The following OSBPL10 variants were observed in gnomAD, a reference collection of about 807,000 sequenced individuals.
OSBPL10 encodes the protein oxysterol-binding protein-related protein 10.
Under a neutral mutation model 81.7 loss-of-function variants are expected in OSBPL10, and 49 were observed. The ratio of observed to expected loss-of-function variants is 0.60; its 90% confidence interval spans 0.48 to 0.76. The LOEUF is 0.76. OSBPL10 is among the 30% of genes least tolerant of loss of function. The pLI is 0.00. For missense variants in OSBPL10, 923 were observed against 987.8 expected, an observed-to-expected ratio of 0.93 and a Z score of 0.88; for synonymous variants, 419 against 383.6, an observed-to-expected ratio of 1.09 and a Z score of -1.08.
intron 4 of OSBPL10, among the ~76,000 whole-genome samples, chr3:31,787,092 C>T (rs1249506087): frequency 6.6e-6 from 1 of 152,148 alleles, no homozygotes; most frequent in Non-Finnish European, 1.5e-5. Context: ...TAAGCGGTCA[C>T]GATATGGTTG....
intron 1 of OSBPL10, among the ~76,000 whole-genome samples, chr3:32,048,553 C>T (rs1250059541): frequency 6.6e-6 from 1 of 152,130 alleles, no homozygotes; most frequent in South Asian, 2.1e-4. Flanking sequence ...GTGATCCACC[C>T]GCCTTGGCCT....
At chr3:31,766,988 T>A (rs141959997) in intron 4 of OSBPL10, among the ~76,000 whole-genome samples, 1 of 152,150 alleles carries the variant, frequency 6.6e-6, no homozygotes, top group Non-Finnish European at 1.5e-5. Flanking sequence ...ATAGAGGAGA[T>A]TAAAAAGAGA....
Position 31,980,893 on chromosome 3 carries a change from C to T in OSBPL10, c.281+6G>A. 1 of 1,562,346 alleles carries T rather than the reference C, an allele frequency of 6.4e-7. No homozygotes were observed. The highest frequency in any genetic ancestry group is 8.6e-7 in the Non-Finnish European group (1 of 1,158,198). On this transcript the variant is annotated splice_donor_region_variant and intron_variant, in intron 1 of 11. Coordinates refer to ENST00000396556, the MANE Select transcript of OSBPL10 (RefSeq NM_017784.5). ...CGCGCGGTGGCGCGGGCGGCTGGCG[C>T]GTTACCTGTTCTGCCAGCCCTGGAG... is the stretch of plus-strand genomic sequence containing the variant.
intron 1 of OSBPL10, among the ~76,000 whole-genome samples, chr3:31,967,235 T>C (rs1345668471): frequency 6.6e-6 from 1 of 152,122 alleles, no homozygotes; most frequent in East Asian, 1.9e-4. Flanking sequence ...CACTCCAGGT[T>C]TTTTGTTTGA....
chr3:31,668,954 G>A, intron 9 of OSBPL10, 130 bp from the exon 10 acceptor site: 1 of 719,156 alleles, frequency 1.4e-6, no homozygotes, highest in Non-Finnish European at 2.2e-6. Flanking sequence ...TTGCAGCTTT[G>A]CTCAAAGACT....
chr3:31,741,538 C>T (rs1297628280), intron 5 of OSBPL10, among the ~76,000 whole-genome samples: 1 of 152,236 alleles, frequency 6.6e-6, no homozygotes, highest in Non-Finnish European at 1.5e-5. Flanking sequence ...GCTGGGATTA[C>T]AGGCGTGAGC....
chr3:31,679,755 T>C (rs556326158), intron 8 of OSBPL10, among the ~76,000 whole-genome samples: 1 of 152,284 alleles, frequency 6.6e-6, no homozygotes, highest in East Asian at 1.9e-4. Context: ...GAAAAGATTT[T>C]TTACCAATAT....
chr3:31,773,742 G>T (rs1698450578), intron 4 of OSBPL10, among the ~76,000 whole-genome samples: 1 of 152,218 alleles, frequency 6.6e-6, no homozygotes, highest in Non-Finnish European at 1.5e-5. Flanking sequence ...CATGCAGTAG[G>T]CACATCAAGT....
chr3:31,900,943 G>A (rs1696217935), intron 1 of OSBPL10, among the ~76,000 whole-genome samples: 2 of 152,338 alleles, frequency 1.3e-5, no homozygotes, highest in South Asian at 4.1e-4. Context: ...TTATTAAAGT[G>A]TTAATGAAAA....
chr3:31,663,921 C>A (rs1387347110), intron 11 of OSBPL10, 158 bp downstream of exon 11: 1 of 1,543,410 alleles, frequency 6.5e-7, no homozygotes, highest in Non-Finnish European at 8.7e-7. Context: ...TGTCCTGAAG[C>A]CTTGTCCAAA....
chr3:31,947,922 A>G (rs1303962764), intron 1 of OSBPL10, among the ~76,000 whole-genome samples: 1 of 151,248 alleles, frequency 6.6e-6, no homozygotes, highest in East Asian at 1.9e-4. Flanking sequence ...AAAGCTCTGA[A>G]GTAAACTGTA....
intron 6 of OSBPL10, among the ~76,000 whole-genome samples, chr3:31,709,795 C>G (rs2125611737): frequency 6.6e-6 from 1 of 152,290 alleles, no homozygotes; most frequent in South Asian, 2.1e-4. Flanking sequence ...AGGGAAAGGG[C>G]AGGGCCCCAA....
upstream of OSBPL10, among the ~76,000 whole-genome samples, chr3:31,982,326 G>GA (rs1159045881): frequency 2.0e-5 from 3 of 151,946 alleles, no homozygotes; most frequent in Admixed American, 2.0e-4. Context: ...AAATTACCTA[G>GA]AAAAAAGCTT....
At chr3:31,976,824 C>A (rs935477300) in intron 1 of OSBPL10, among the ~76,000 whole-genome samples, 47 of 152,058 alleles carry the variant, frequency 3.1e-4, no homozygotes, top group African/African-American at 1.1e-3. Context: ...ACAACCCTGC[C>A]AATCACCAAA....
At chr3:31,837,360 TATATATATATATATAG>T (rs1286367021) in intron 3 of OSBPL10, among the ~76,000 whole-genome samples, 8 of 31,088 alleles carry the variant, frequency 2.6e-4, no homozygotes, top group African/African-American at 6.1e-4. Context: ...TATATATATA[TATATATATATATATAG>T]TAAGTAACAT....
Position 31,667,102 on chromosome 3 carries a change from G to T in OSBPL10, c.2096+1540C>A, listed in dbSNP as rs142764321. On this transcript the variant is annotated intron_variant, in intron 10 of 11. Coordinates refer to ENST00000396556, the MANE Select transcript of OSBPL10 (RefSeq NM_017784.5). ...CTAAACTACTCTGATATCCTTGGAA[G>T]AAAAGTAGCAGGTGATCACAGTTTT... is the stretch of plus-strand genomic sequence containing the variant. Among the ~76,000 whole-genome samples the T allele has an allele frequency of 2.8e-3, 420 of 152,354 alleles. 3 individuals are homozygous for T. The highest frequency in any genetic ancestry group is 0.02 in the South Asian group (98 of 4,828).
chr3:31,687,893 A>AAATAATAATAATAATAAT (rs34327662), intron 7 of OSBPL10, among the ~76,000 whole-genome samples: 2,878 of 143,824 alleles, frequency 0.02, 52 homozygotes, highest in African/African-American at 0.05. Flanking sequence ...CCATCACTAC[A>AAATAATAATAATAATAAT]AATAATAATA....
chr3:31,988,797 A>G, intron 2 of OSBPL10: 1 of 481,474 alleles, frequency 2.1e-6, no homozygotes, highest in South Asian at 2.7e-5. Flanking sequence ...GCTAACAGCC[A>G]TGTGAGTGAC....
intron 2 of OSBPL10, among the ~76,000 whole-genome samples, chr3:32,019,787 CTTTA>C (rs1699345691): frequency 6.6e-6 from 1 of 152,144 alleles, no homozygotes; most frequent in South Asian, 2.1e-4. Context: ...ATTGTGTTAT[CTTTA>C]TTTGGCTCCA....
Sources: gnomAD v4.1 joint callset for allele counts (sites outside exome capture counted in the v4.1 genomes callset) on GRCh38, gnomAD v4.1.1 for gene constraint, MANE v1.5 for transcripts, NCBI Gene and HGNC (gene_info 2026-07-23, HGNC 2026-07-21) for gene names.